The following LRMDA variants were observed in gnomAD, a reference collection of about 807,000 sequenced individuals.
LRMDA encodes leucine rich melanocyte differentiation associated, also known as leucine-rich melanocyte differentiation-associated protein.
In LRMDA, 18 loss-of-function variants were observed where a neutral mutation model predicts 29.8. The observed-to-expected ratio is 0.60, with a 90% CI of 0.42 to 0.90. LRMDA has a LOEUF of 0.90. LRMDA is among the 40% of genes least tolerant of loss of function. The pLI, the probability that LRMDA is intolerant of heterozygous loss-of-function variation, is 0.00. For missense variants in LRMDA, 273 were observed against 273.9 expected, an observed-to-expected ratio of 1.00 and a Z score of 0.02; for synonymous variants, 125 against 109.4, an observed-to-expected ratio of 1.14 and a Z score of -0.89.
intron 2 of LRMDA, among the ~76,000 whole-genome samples, chr10:75,862,958 G>T (rs1844957894): frequency 6.6e-6 from 1 of 151,926 alleles, no homozygotes; most frequent in African/African-American, 2.4e-5. Context: ...TGTAAACAAA[G>T]GGTTAATTTT....
intron 2 of LRMDA, among the ~76,000 whole-genome samples, chr10:75,581,226 A>G (rs1437199325): frequency 6.6e-6 from 1 of 152,234 alleles, no homozygotes; most frequent in Non-Finnish European, 1.5e-5. Context: ...TTTATGAGAA[A>G]AAAACAACCC....
chr10:76,173,745 C>T (rs1274136503), intron 5 of LRMDA, among the ~76,000 whole-genome samples: 1 of 152,180 alleles, frequency 6.6e-6, no homozygotes, highest in Admixed American at 6.5e-5. Flanking sequence ...ACTACAACCT[C>T]CGCCTCCTGG....
At chr10:75,989,379 T>A (rs905220028) in intron 2 of LRMDA, among the ~76,000 whole-genome samples, 15 of 152,220 alleles carry the variant, frequency 9.9e-5, no homozygotes, top group Non-Finnish European at 1.6e-4. Flanking sequence ...TGGCACTTCA[T>A]GTGGCTGGAG....
Position 76,051,063 on chromosome 10 carries a change from C to T in LRMDA, c.398+3760C>T, listed in dbSNP as rs575967176. On this transcript the variant is annotated intron_variant, in intron 4 of 6. Coordinates refer to ENST00000611255, the MANE Select transcript of LRMDA (RefSeq NM_001305581.2). ...GTGACACCCTTTCTTTGTTCCCCTG[C>T]ATGGAGCAGCCCTGGGGCCTGCCCA... Among the ~76,000 whole-genome samples, 47 of 152,334 alleles carry T rather than the reference C, an allele frequency of 3.1e-4. 4 individuals are homozygous for T. The South Asian group carries it at 7.5e-3, about 24-fold the overall frequency.
intron 2 of LRMDA, among the ~76,000 whole-genome samples, chr10:75,811,174 A>G (rs1330447354): frequency 6.6e-6 from 1 of 152,208 alleles, no homozygotes; most frequent in Non-Finnish European, 1.5e-5. Context: ...GAGATTCTTG[A>G]AAGAGGTCCC....
chr10:75,908,681 C>T (rs946494570), intron 2 of LRMDA, among the ~76,000 whole-genome samples: 2 of 152,172 alleles, frequency 1.3e-5, no homozygotes, highest in African/African-American at 2.4e-5. Flanking sequence ...CACAGTGGAG[C>T]GTTGTTGCTG....
chr10:75,860,737 A>G (rs1214820909), intron 2 of LRMDA, among the ~76,000 whole-genome samples: 2 of 152,288 alleles, frequency 1.3e-5, no homozygotes, highest in East Asian at 3.9e-4. Context: ...AGTCAAAGTG[A>G]TGGTGACAGG....
At chr10:75,633,004 G>A (rs1427666532) in intron 2 of LRMDA, among the ~76,000 whole-genome samples, 1 of 152,050 alleles carries the variant, frequency 6.6e-6, no homozygotes, top group Non-Finnish European at 1.5e-5. Context: ...GGCAGAAGAT[G>A]TGGGGAGGGC....
chr10:76,370,887 T>C (rs1439521341), intron 6 of LRMDA, among the ~76,000 whole-genome samples: 1 of 152,150 alleles, frequency 6.6e-6, no homozygotes, highest in African/African-American at 2.4e-5. Context: ...CAGTATTACA[T>C]GTGGTTTCAG....
At chr10:76,517,930 A>C (rs1350055524) in intron 6 of LRMDA, among the ~76,000 whole-genome samples, 1 of 34,440 alleles carries the variant, frequency 2.9e-5, no homozygotes, top group Admixed American at 3.3e-4. Context: ...AGAAATATAT[A>C]TATATAAACA....
chr10:76,141,061 G>C (rs943095143), intron 5 of LRMDA, among the ~76,000 whole-genome samples: 3 of 152,000 alleles, frequency 2.0e-5, no homozygotes, highest in Non-Finnish European at 4.4e-5. Context: ...TTTGAGTCTT[G>C]TATTTTGTAT....
chr10:75,809,353 G>A lies in LRMDA; in HGVS notation c.132-226655G>A, dbSNP rs544169287. ...GTGAGGATGGAGTGGTCATCAAAAA[G>A]CAGACATGGGCCAGGTGCAGTGGCT... is the stretch of plus-strand genomic sequence containing the variant. On this transcript the variant is annotated intron_variant, in intron 2 of 6. Coordinates refer to ENST00000611255, the MANE Select transcript of LRMDA (RefSeq NM_001305581.2). Among the ~76,000 whole-genome samples, 38 of 152,250 alleles carry A rather than the reference G, an allele frequency of 2.5e-4. 1 individual carries two copies. In the South Asian group the frequency reaches 4.4e-3, roughly 17 times the overall value.
At chr10:75,761,260 T>A (rs1243545423) in intron 2 of LRMDA, among the ~76,000 whole-genome samples, 1 of 152,218 alleles carries the variant, frequency 6.6e-6, no homozygotes, top group Non-Finnish European at 1.5e-5. Flanking sequence ...ATTCTTCACA[T>A]TAGCCAAGAG....
At chr10:76,274,413 G>A (rs1840106426) in intron 5 of LRMDA, among the ~76,000 whole-genome samples, 1 of 152,178 alleles carries the variant, frequency 6.6e-6, no homozygotes, top group Admixed American at 6.5e-5. Context: ...GTTTAAAAAA[G>A]TGAGCAGGTC....
At chr10:75,826,053 G>T (rs1382295774) in intron 2 of LRMDA, among the ~76,000 whole-genome samples, 1 of 152,068 alleles carries the variant, frequency 6.6e-6, no homozygotes, top group Non-Finnish European at 1.5e-5. Context: ...ATATGGCTTT[G>T]GGGGGCCTCA....
intron 2 of LRMDA, among the ~76,000 whole-genome samples, chr10:76,007,005 T>C (rs1197538922): frequency 1.0e-5 from 1 of 95,958 alleles, no homozygotes; most frequent in Non-Finnish European, 2.3e-5. Context: ...TGTGTGTGTG[T>C]GTGTGTGTGT....
intron 2 of LRMDA, among the ~76,000 whole-genome samples, chr10:76,014,405 T>C (rs992392692): frequency 6.6e-6 from 1 of 152,000 alleles, no homozygotes; most frequent in African/African-American, 2.4e-5. Context: ...AATCTCACTT[T>C]CTGGTGTTTT....
chr10:76,201,324 AC>A (rs577842695), intron 5 of LRMDA, among the ~76,000 whole-genome samples: 31 of 150,898 alleles, frequency 2.1e-4, no homozygotes, highest in Non-Finnish European at 3.7e-4. Flanking sequence ...CAAACTCTTG[AC>A]CTCATGATCC....
intron 5 of LRMDA, among the ~76,000 whole-genome samples, chr10:76,227,862 TCA>T (rs545421644): frequency 1.3e-5 from 2 of 152,020 alleles, no homozygotes; most frequent in African/African-American, 4.8e-5. Flanking sequence ...GAAGAGAAAC[TCA>T]CAGAGTAGTT....
Sources: allele counts gnomAD v4.1 joint callset (sites outside exome capture counted in the v4.1 genomes callset), GRCh38; gene constraint gnomAD v4.1.1; transcripts MANE v1.5; gene names NCBI Gene and HGNC (gene_info 2026-07-23, HGNC 2026-07-21).